Variants in PRUNE2 observed in about 807,000 individuals in gnomAD.
PRUNE2 encodes the protein prune homolog 2 with BCH domain, also known as protein prune homolog 2.
PRUNE2 carries 164 observed loss-of-function variants against 252.0 expected under a neutral mutation model. The observed-to-expected ratio is 0.65, with a 90% CI of 0.57 to 0.74. The LOEUF (loss-of-function observed/expected upper bound fraction) is 0.74. Ranked by LOEUF, PRUNE2 falls within the 30% of genes least tolerant of loss-of-function variation. The pLI, the probability that PRUNE2 is intolerant of heterozygous loss-of-function variation, is 0.00. For missense variants in PRUNE2, 3,495 were observed against 3,711.0 expected, an observed-to-expected ratio of 0.94 and a Z score of 1.51; for synonymous variants, 1,292 against 1,350.2, an observed-to-expected ratio of 0.96 and a Z score of 0.94.
intron 5 of PRUNE2, among the ~76,000 whole-genome samples, chr9:76,824,645 G>A (rs1359214813): frequency 1.3e-5 from 2 of 152,042 alleles, no homozygotes; most frequent in Non-Finnish European, 2.9e-5. Flanking sequence ...TAATTCTCGC[G>A]CTACATTATT....
chr9:76,821,941 A>G (rs1564374427), intron 6 of PRUNE2, among the ~76,000 whole-genome samples: 1 of 152,198 alleles, frequency 6.6e-6, no homozygotes, highest in Non-Finnish European at 1.5e-5. Flanking sequence ...AAGACATTCT[A>G]TGTTAATTTA....
intron 6 of PRUNE2, chr9:76,786,575 C>T (rs528156748): frequency 6.6e-6 from 1 of 152,328 alleles, no homozygotes; most frequent in Admixed American, 6.5e-5. Flanking sequence ...TATCTTTTCT[C>T]CAACACATCG....
intron 6 of PRUNE2, among the ~76,000 whole-genome samples, chr9:76,798,808 G>T (rs749795675): frequency 6.6e-6 from 1 of 152,068 alleles, no homozygotes; most frequent in Non-Finnish European, 1.5e-5. Context: ...TATACTAAAC[G>T]GTGTGAGTTG....
chr9:76,832,778 A>T (rs1393992710), intron 4 of PRUNE2, among the ~76,000 whole-genome samples: 1 of 152,054 alleles, frequency 6.6e-6, no homozygotes, highest in Admixed American at 6.5e-5. Context: ...TAATATAAGG[A>T]GTTTTGAAAA....
chr9:76,780,103 T>C (rs888594673), intron 6 of PRUNE2, among the ~76,000 whole-genome samples: 8 of 152,282 alleles, frequency 5.3e-5, no homozygotes, highest in African/African-American at 1.7e-4. Context: ...AACAAATGCA[T>C]AAAAAGAGAT....
In PRUNE2 at chr9:76,731,321, TATA is replaced by T. The variant is rs1206357674; in HGVS notation, c.757-17603_757-17601del. On this transcript the variant is annotated intron_variant, in intron 6 of 18. Transcript: ENST00000376718. Reference sequence around the variant, plus strand: ...ATCTATCTATCTATCTATATATATATATATTTTTTTTTTTTTTTTGAGACAGGG... The same window carrying T: ...ATCTATCTATCTATCTATATATATATTTTTTTTTTTTTTTTTGAGACAGGG... Among the ~76,000 whole-genome samples, 772 of 101,914 alleles carry T rather than the reference TATA, an allele frequency of 7.6e-3. 10 individuals are homozygous for T. Among genetic ancestry groups the T allele is most frequent in the African/African-American group, 0.029 (714 of 24,510 alleles). The allele number at this position is 101,914 out of a possible 152,430, so 66.9% of individuals were successfully genotyped here.
intron 6 of PRUNE2, among the ~76,000 whole-genome samples, chr9:76,817,518 C>G (rs2057767025): frequency 6.6e-6 from 1 of 152,106 alleles, no homozygotes; most frequent in Non-Finnish European, 1.5e-5. Flanking sequence ...ATGAGTGTCA[C>G]AACCAGACCA....
intron 1 of PRUNE2, among the ~76,000 whole-genome samples, chr9:76,888,840 T>G (rs1202426293): frequency 1.3e-5 from 2 of 151,832 alleles, no homozygotes; most frequent in Non-Finnish European, 2.9e-5. Context: ...GTTAATGTTT[T>G]TTGTTGTTGT....
At chr9:76,700,952 C>A (rs1005104979) in intron 9 of PRUNE2, among the ~76,000 whole-genome samples, 1 of 152,316 alleles carries the variant, frequency 6.6e-6, no homozygotes, top group African/African-American at 2.4e-5. Context: ...TGACATTGGG[C>A]ATTGACTAGC....
At chr9:76,665,335 A>G (rs1429115376) in intron 9 of PRUNE2, among the ~76,000 whole-genome samples, 2 of 152,020 alleles carry the variant, frequency 1.3e-5, no homozygotes, top group African/African-American at 4.8e-5. Flanking sequence ...CCTCGCCTCC[A>G]TCCCACAGAA....
rs571551543 is a variant in PRUNE2, at chr9:76,745,808, A to G, written c.757-32087T>C. ...AAAGAAGAACCCACTGGACAGTCAC[A>G]CTATTGCTTCTGTCTGCCCAGGACC... On this transcript the variant is annotated intron_variant, in intron 6 of 18. Coordinates refer to ENST00000376718, the MANE Select transcript of PRUNE2 (RefSeq NM_015225.3). 4.3e-4 allele frequency among the ~76,000 whole-genome samples: 65 copies of G among 152,248 alleles called. 1 individual carries two copies. The highest frequency in any genetic ancestry group is 1.4e-3 in the African/African-American group (59 of 41,526).
At chr9:76,855,265 A>AT (rs1326157397) in intron 1 of PRUNE2, among the ~76,000 whole-genome samples, 1 of 151,982 alleles carries the variant, frequency 6.6e-6, no homozygotes, top group Non-Finnish European at 1.5e-5. Context: ...GATAATTGTC[A>AT]TATAAATTAA....
intron 1 of PRUNE2, among the ~76,000 whole-genome samples, chr9:76,899,147 G>A (rs2063019591): frequency 6.6e-6 from 1 of 152,186 alleles, no homozygotes; most frequent in African/African-American, 2.4e-5. Flanking sequence ...ACAGTGGTTG[G>A]CCTTGGGGGA....
intron 6 of PRUNE2, among the ~76,000 whole-genome samples, chr9:76,811,797 T>C (rs772234331): frequency 2.0e-5 from 3 of 152,190 alleles, no homozygotes; most frequent in Non-Finnish European, 4.4e-5. Flanking sequence ...GTGCCAGAAA[T>C]ACCCAATTTA....
chr9:76,623,327 G>C (rs1194344039), intron 17 of PRUNE2, among the ~76,000 whole-genome samples: 1 of 148,272 alleles, frequency 6.7e-6, no homozygotes, highest in African/African-American at 2.5e-5. Context: ...ATGGAGTCTC[G>C]CTCTGTCCCC....
chr9:76,827,072 G>A (rs2058386336), intron 4 of PRUNE2, among the ~76,000 whole-genome samples: 2 of 152,050 alleles, frequency 1.3e-5, no homozygotes, highest in Admixed American at 6.6e-5. Context: ...ATTTCAAAAA[G>A]GAAGTTAGTG....
intron 9 of PRUNE2, among the ~76,000 whole-genome samples, chr9:76,658,166 C>A (rs935141553): frequency 6.6e-6 from 1 of 152,172 alleles, no homozygotes; most frequent in Admixed American, 6.5e-5. Flanking sequence ...CAAGAACACC[C>A]TGACCAAGAT....
chr9:76,666,107 G>T (rs1453668361), intron 9 of PRUNE2, among the ~76,000 whole-genome samples: 1 of 152,220 alleles, frequency 6.6e-6, no homozygotes, highest in Non-Finnish European at 1.5e-5. Context: ...GAAGACAAGA[G>T]TGTGAGCCTT....
At chr9:76,659,502 A>G (rs148487629) in intron 9 of PRUNE2, among the ~76,000 whole-genome samples, 46 of 152,336 alleles carry the variant, frequency 3.0e-4, no homozygotes, top group Admixed American at 2.4e-3. Flanking sequence ...AATTTACTTA[A>G]CATTTTCTTT....
Sources: gnomAD v4.1 joint callset for allele counts (sites outside exome capture counted in the v4.1 genomes callset) on GRCh38, gnomAD v4.1.1 for gene constraint, MANE v1.5 for transcripts, NCBI Gene and HGNC (gene_info 2026-07-23, HGNC 2026-07-21) for gene names.